Variants in ERC2 observed in about 807,000 individuals in gnomAD.
ERC2 encodes the protein ELKS/RAB6-interacting/CAST family member 2.
A neutral mutation model predicts 114.8 loss-of-function variants in ERC2; 42 were observed. The observed-to-expected ratio is 0.37, with a 90% CI of 0.29 to 0.47. The LOEUF (loss-of-function observed/expected upper bound fraction) is 0.47, where lower values mean the gene tolerates loss of function less well. ERC2 is among the 20% of genes least tolerant of loss of function. ERC2 has a pLI of 0.99. For synonymous variants in ERC2, 454 were observed against 425.5 expected (o/e 1.07, Z -0.82); for missense variants, 939 against 1,150.7 (o/e 0.82, Z 2.66).
At chr3:56,124,287 G>A (rs1369730266) in intron 6 of ERC2, among the ~76,000 whole-genome samples, 1 of 152,182 alleles carries the variant, frequency 6.6e-6, no homozygotes, top group Non-Finnish European at 1.5e-5. Flanking sequence ...TCAGTCATCT[G>A]TATAAGGCAT....
At position 55,576,870 on chromosome 3, in the gene ERC2, C is replaced by T. The variant is rs1167148569; in HGVS notation, c.*40-65594G>A. On this transcript the variant is annotated intron_variant, in intron 17 of 17. Transcript: ENST00000288221. ...GGGAGGCTTGGGGGAGGATCTTAGGCTGAACCCAAGCTCTCAGGGCCCTGT... is the reference window on the plus strand; with the variant it reads ...GGGAGGCTTGGGGGAGGATCTTAGGTTGAACCCAAGCTCTCAGGGCCCTGT... Among the ~76,000 whole-genome samples, 3 of 152,228 alleles carry T rather than the reference C, an allele frequency of 2.0e-5. No homozygotes were observed. The East Asian group carries it at 5.8e-4, about 29-fold the overall frequency.
At chr3:55,701,194 T>C (rs1212806001) in intron 15 of ERC2, among the ~76,000 whole-genome samples, 1 of 152,214 alleles carries the variant, frequency 6.6e-6, no homozygotes. Context: ...ATTTTTCACA[T>C]ACAATCTAAC....
At chr3:55,785,673 C>T (rs1261920058) in intron 14 of ERC2, among the ~76,000 whole-genome samples, 6 of 152,212 alleles carry the variant, frequency 3.9e-5, no homozygotes, top group South Asian at 2.1e-4. Flanking sequence ...TCATGCTGCC[C>T]GGAAGTGCCT....
intron 17 of ERC2, among the ~76,000 whole-genome samples, chr3:55,679,781 C>G (rs181998552): frequency 6.6e-6 from 1 of 152,204 alleles, no homozygotes; most frequent in Non-Finnish European, 1.5e-5. Context: ...TAGAAACCAC[C>G]ACTTTGTATA....
chr3:55,742,900 T>A (rs1179620239), intron 14 of ERC2, among the ~76,000 whole-genome samples: 1 of 152,208 alleles, frequency 6.6e-6, no homozygotes, highest in Non-Finnish European at 1.5e-5. Context: ...ATGTATGATA[T>A]ATGCAGAAGG....
chr3:56,172,365 G>A (rs886779144), intron 4 of ERC2, among the ~76,000 whole-genome samples: 2 of 152,068 alleles, frequency 1.3e-5, no homozygotes, highest in African/African-American at 4.8e-5. Flanking sequence ...AATCCACTTG[G>A]ATTAAGAAAT....
chr3:55,675,899 C>CTTTTTTTTTTT (rs2061771739), intron 17 of ERC2, among the ~76,000 whole-genome samples: 1 of 58,122 alleles, frequency 1.7e-5, no homozygotes, highest in Non-Finnish European at 3.2e-5. Context: ...TTTCTCTTTT[C>CTTTTTTTTTTT]TTTCTTTTTT....
chr3:56,445,112 C>T (rs2062500180), intron 1 of ERC2, among the ~76,000 whole-genome samples: 1 of 152,150 alleles, frequency 6.6e-6, no homozygotes, highest in Non-Finnish European at 1.5e-5. Flanking sequence ...GAAAATCTGA[C>T]AATGTCAGGC....
At chr3:55,862,074 C>T (rs757758458) in intron 14 of ERC2, among the ~76,000 whole-genome samples, 1 of 152,110 alleles carries the variant, frequency 6.6e-6, no homozygotes, top group African/African-American at 2.4e-5. Context: ...GTTTTAAGCT[C>T]CAATTTTTGA....
chr3:56,444,331 A>C (rs2062462211), intron 1 of ERC2, among the ~76,000 whole-genome samples: 2 of 152,146 alleles, frequency 1.3e-5, no homozygotes, highest in Non-Finnish European at 2.9e-5. Flanking sequence ...ATTATTAATT[A>C]GGTCAAACTG....
At chr3:56,194,835 C>G (rs1260464986) in intron 3 of ERC2, among the ~76,000 whole-genome samples, 1 of 152,012 alleles carries the variant, frequency 6.6e-6, no homozygotes, top group Non-Finnish European at 1.5e-5. Flanking sequence ...TGAAATTTAC[C>G]TCTAATCCCA....
At chr3:56,244,809 C>G (rs1560449874) in intron 3 of ERC2, among the ~76,000 whole-genome samples, 3 of 152,190 alleles carry the variant, frequency 2.0e-5, no homozygotes, top group African/African-American at 4.8e-5. Flanking sequence ...CATTCACTCA[C>G]CACTCACTCA....
intron 3 of ERC2, among the ~76,000 whole-genome samples, chr3:56,215,057 A>T (rs1222192973): frequency 6.6e-6 from 1 of 152,336 alleles, no homozygotes; most frequent in African/African-American, 2.4e-5. Flanking sequence ...TGTAAAGACC[A>T]TCGAGGCTAG....
In ERC2 at chr3:55,933,221, A is replaced by AG. The variant is rs1429252455; in HGVS notation, c.2403+17203_2403+17204insC. ...AAGACTTTGTCTCAAAAAAAAAAAA[A>AG]AGAGAGAGAATAAAGAAAGTAACCA... On this transcript the variant is annotated intron_variant, in intron 13 of 17. Transcript: ENST00000288221. Among the ~76,000 whole-genome samples, 43 of 151,862 alleles carry AG rather than the reference A, an allele frequency of 2.8e-4. 1 individual carries two copies. Among genetic ancestry groups the AG allele is most frequent in the Non-Finnish European group, 3.8e-4 (26 of 67,892 alleles).
intron 2 of ERC2, among the ~76,000 whole-genome samples, chr3:56,425,560 C>CTTTTTTTTTTTT (rs67210393): frequency 4.8e-5 from 6 of 123,994 alleles, no homozygotes; most frequent in South Asian, 2.8e-4. Flanking sequence ...GACCCTTTTT[C>CTTTTTTTTTTTT]TTTTTTTTTT....
chr3:56,233,627 A>C (rs2050767100), intron 3 of ERC2, among the ~76,000 whole-genome samples: 1 of 152,124 alleles, frequency 6.6e-6, no homozygotes, highest in Non-Finnish European at 1.5e-5. Context: ...AACCAAAAAA[A>C]AAAAAAAACA....
chr3:55,818,572 C>T (rs896447375), intron 14 of ERC2, among the ~76,000 whole-genome samples: 3 of 152,198 alleles, frequency 2.0e-5, no homozygotes, highest in Non-Finnish European at 4.4e-5. Context: ...TAGGTGTGAA[C>T]TCTCACTGGC....
At chr3:55,646,017 T>C (rs2060382106) in intron 17 of ERC2, among the ~76,000 whole-genome samples, 1 of 152,214 alleles carries the variant, frequency 6.6e-6, no homozygotes. Context: ...AATTAGTCTA[T>C]GAACTCTACT....
intron 2 of ERC2, among the ~76,000 whole-genome samples, chr3:56,412,253 G>C (rs1160203874): frequency 6.6e-6 from 1 of 152,198 alleles, no homozygotes; most frequent in African/African-American, 2.4e-5. Context: ...TTCTCCCTCA[G>C]AGCCTTCAGA....
Sources: allele counts gnomAD v4.1 joint callset (sites outside exome capture counted in the v4.1 genomes callset), GRCh38; gene constraint gnomAD v4.1.1; transcripts MANE v1.5; gene names NCBI Gene and HGNC (gene_info 2026-07-23, HGNC 2026-07-21).